DLC1: variants seen among roughly 807,000 people sequenced by gnomAD.
DLC1 encodes the protein rho GTPase-activating protein 7.
Under a neutral mutation model 140.3 loss-of-function variants are expected in DLC1, and 54 were observed. That is an observed-to-expected ratio of 0.38 (90% CI 0.31 to 0.48). The LOEUF is 0.48. Ranked by LOEUF, DLC1 falls within the 20% of genes least tolerant of loss-of-function variation. The probability of loss-of-function intolerance (pLI) is 0.96; values close to 1 mark genes in which losing one functional copy is unlikely to be tolerated. For synonymous variants in DLC1, 986 were observed against 728.1 expected, an observed-to-expected ratio of 1.35 and a Z score of -5.70; for missense variants, 2,536 against 1,907.0, an observed-to-expected ratio of 1.33 and a Z score of -6.14.
At chr8:13,230,394 T>A (rs1389420981) in intron 5 of DLC1, among the ~76,000 whole-genome samples, 1 of 152,160 alleles carries the variant, frequency 6.6e-6, no homozygotes, top group South Asian at 2.1e-4. Context: ...AGTCAGAGTA[T>A]GTTTGTTTCA....
chr8:13,461,966 C>G (rs559738032), intron 2 of DLC1, among the ~76,000 whole-genome samples: 13 of 152,324 alleles, frequency 8.5e-5, no homozygotes, highest in African/African-American at 3.1e-4. Context: ...TCTTGCTCCT[C>G]TCACCTCAGC....
intron 4 of DLC1, among the ~76,000 whole-genome samples, chr8:13,368,447 C>T (rs866406891): frequency 2.0e-4 from 30 of 152,164 alleles, no homozygotes; most frequent in Middle Eastern, 6.8e-3. Flanking sequence ...TCTCATTTGC[C>T]CCAAGGAAAT....
intron 4 of DLC1, among the ~76,000 whole-genome samples, chr8:13,368,678 T>C (rs535792300): frequency 2.0e-5 from 3 of 152,272 alleles, no homozygotes; most frequent in East Asian, 1.9e-4. Flanking sequence ...GAAACACAGA[T>C]ACTCTGAGTT....
intron 5 of DLC1, among the ~76,000 whole-genome samples, chr8:13,159,857 GA>G (rs556824574): frequency 0.023 from 2,757 of 120,622 alleles, 27 homozygotes; most frequent in Middle Eastern, 0.031. Context: ...AACCTGGTTT[GA>G]AAAAAAAAAA....
chr8:13,409,855 C>A (rs1837712986), intron 2 of DLC1, among the ~76,000 whole-genome samples: 1 of 152,096 alleles, frequency 6.6e-6, no homozygotes, highest in South Asian at 2.1e-4. Context: ...TGCTAAGGTT[C>A]ATGTAGAATT....
chr8:13,204,289 C>T (rs953871592), intron 5 of DLC1, among the ~76,000 whole-genome samples: 13 of 152,102 alleles, frequency 8.5e-5, no homozygotes, highest in Non-Finnish European at 1.2e-4. Context: ...AACAGAGAGA[C>T]GGAGTGCAAA....
rs970771981 is a variant in DLC1, at chr8:13,170,924, G to C, written c.1349-55267C>G. Among the ~76,000 whole-genome samples the C allele has an allele frequency of 2.6e-5, 4 of 152,206 alleles. No individual in the cohort carries two copies. In the East Asian group the frequency reaches 7.7e-4, roughly 29 times the overall value. On this transcript the variant is annotated intron_variant, in intron 5 of 17. Transcript: ENST00000276297. ...TAAAGGTCTAACCTTGCATGATCTT[G>C]CTCAAAAGTATTGAAATCCTCAAGA... is the stretch of plus-strand genomic sequence containing the variant.
At chr8:13,442,201 A>C (rs954912397) in intron 2 of DLC1, among the ~76,000 whole-genome samples, 32 of 152,368 alleles carry the variant, frequency 2.1e-4, no homozygotes, top group African/African-American at 7.7e-4. Flanking sequence ...ACAAAAATTC[A>C]TTCAAGATGG....
intron 5 of DLC1, among the ~76,000 whole-genome samples, chr8:13,188,843 A>ATATATATGTATATATATATATATAT (rs1247995559): frequency 3.3e-5 from 1 of 30,674 alleles, no homozygotes; most frequent in Non-Finnish European, 6.2e-5. Flanking sequence ...ATATATATAT[A>ATATATATGTATATATATATATATAT]TTTTTTTTTT....
At chr8:13,102,576 CA>C (rs888527047) in intron 8 of DLC1, among the ~76,000 whole-genome samples, 3 of 152,078 alleles carry the variant, frequency 2.0e-5, no homozygotes, top group African/African-American at 4.8e-5. Flanking sequence ...GTGATCAGGT[CA>C]AAAACAATAG....
chr8:13,146,274 C>CA (rs35639452), intron 5 of DLC1, among the ~76,000 whole-genome samples: 23,027 of 139,224 alleles, frequency 0.17, 1,901 homozygotes, highest in African/African-American at 0.19. Flanking sequence ...GACTCCATCT[C>CA]AAAAAAAAAA....
chr8:13,582,026 T>C (rs1042295701), intron 1 of DLC1, among the ~76,000 whole-genome samples: 1 of 152,056 alleles, frequency 6.6e-6, no homozygotes, highest in Non-Finnish European at 1.5e-5. Context: ...TCTAGTCCCA[T>C]GGGGTCTCTG....
In DLC1 at chr8:13,371,737, G is replaced by T. The variant is rs150983136; in HGVS notation, c.1314+21816C>A. Among the ~76,000 whole-genome samples the T allele has an allele frequency of 3.2e-3, 491 of 152,230 alleles. 2 individuals are homozygous for T. Among genetic ancestry groups the T allele is most frequent in the African/African-American group, 0.012 (482 of 41,524 alleles). On this transcript the variant is annotated intron_variant, in intron 4 of 17. Transcript: ENST00000276297. Reference sequence around the variant, plus strand: ...AAAGAATGGTGCTGTCCCACTCCAGGCTTTCCTGAGTTAGAGTTGGCTGTG... The same window carrying T: ...AAAGAATGGTGCTGTCCCACTCCAGTCTTTCCTGAGTTAGAGTTGGCTGTG...
intron 5 of DLC1, among the ~76,000 whole-genome samples, chr8:13,143,983 A>T (rs1424142368): frequency 1.3e-5 from 2 of 152,130 alleles, no homozygotes; most frequent in Non-Finnish European, 2.9e-5. Flanking sequence ...CAGCGGCCGG[A>T]GAGACCCTGT....
chr8:13,233,274 G>A lies in DLC1; in HGVS notation c.1348+71995C>T, dbSNP rs1004735712. On this transcript the variant is annotated intron_variant, in intron 5 of 17. Coordinates refer to ENST00000276297, the MANE Select transcript of DLC1 (RefSeq NM_182643.3). ...CATGCCACTACACTCCAGCCTGGGC[G>A]ATAGAATAAGACTCTGTATAAAAAA... Among the ~76,000 whole-genome samples the A allele has an allele frequency of 9.1e-5, 10 of 109,516 alleles. No individual in the cohort carries two copies. In the East Asian group the frequency reaches 1.1e-3, roughly 12 times the overall value. 71.8% of individuals were successfully genotyped at this position (109,516 alleles called of 152,430 possible).
chr8:13,334,114 C>G (rs1833719019), intron 4 of DLC1, among the ~76,000 whole-genome samples: 1 of 152,096 alleles, frequency 6.6e-6, no homozygotes, highest in African/African-American at 2.4e-5. Context: ...TGAGAAGTGG[C>G]TTTAGTCAAG....
chr8:13,417,769 C>G (rs1354193613), intron 2 of DLC1, among the ~76,000 whole-genome samples: 2 of 152,092 alleles, frequency 1.3e-5, no homozygotes, highest in East Asian at 3.9e-4. Flanking sequence ...AGTTCTAGAT[C>G]CCTGAGGAAT....
intron 2 of DLC1, among the ~76,000 whole-genome samples, chr8:13,408,676 A>G (rs1215275648): frequency 1.3e-5 from 2 of 152,196 alleles, no homozygotes; most frequent in East Asian, 1.9e-4. Flanking sequence ...TGCTAAAATT[A>G]AAGATTGGCA....
chr8:13,104,903 C>T (rs1819428025), intron 7 of DLC1, among the ~76,000 whole-genome samples: 2 of 152,294 alleles, frequency 1.3e-5, no homozygotes, highest in East Asian at 1.9e-4. Flanking sequence ...TATAAGGTCC[C>T]TCTATTGGGG....
Sources: gnomAD v4.1 joint callset for allele counts (sites outside exome capture counted in the v4.1 genomes callset) on GRCh38, gnomAD v4.1.1 for gene constraint, MANE v1.5 for transcripts, NCBI Gene and HGNC (gene_info 2026-07-23, HGNC 2026-07-21) for gene names.